Variants in PLXNA2 observed in about 807,000 individuals in gnomAD.
PLXNA2 encodes plexin-A2.
Under a neutral mutation model 193.5 loss-of-function variants are expected in PLXNA2, and 91 were observed. That is an observed-to-expected ratio of 0.47 (90% confidence interval 0.40 to 0.56). The LOEUF (loss-of-function observed/expected upper bound fraction) is 0.56, where lower values mean the gene tolerates loss of function less well. Ranked by LOEUF, PLXNA2 falls within the 20% of genes least tolerant of loss-of-function variation. The pLI is 0.00. For synonymous variants in PLXNA2, 997 were observed against 1,027.3 expected, an observed-to-expected ratio of 0.97 and a Z score of 0.56; for missense variants, 1,995 against 2,503.2, an observed-to-expected ratio of 0.80 and a Z score of 4.33.
intron 4 of PLXNA2, among the ~76,000 whole-genome samples, chr1:208,127,578 C>T (rs1668012083): frequency 2.6e-5 from 4 of 152,176 alleles, no homozygotes; most frequent in African/African-American, 9.7e-5. Flanking sequence ...CATGGCTGGT[C>T]CCAGGGAGAA....
Position 208,060,845 on chromosome 1 carries a change from A to T in PLXNA2, c.2587-8T>A. On this transcript the variant is annotated splice_region_variant and splice_polypyrimidine_tract_variant and intron_variant, in intron 12 of 31. Coordinates refer to ENST00000367033, the MANE Select transcript of PLXNA2 (RefSeq NM_025179.4). ...TCCAGACACCGTCAAAATCTGCAGG[A>T]GGGAAATGGGATTAGCAATTTGGTT... 1 of 1,613,478 alleles carries T rather than the reference A, an allele frequency of 6.2e-7. No homozygotes were observed.
At chr1:208,077,384 C>T (rs1233800002) in intron 12 of PLXNA2, among the ~76,000 whole-genome samples, 4 of 152,204 alleles carry the variant, frequency 2.6e-5, no homozygotes, top group Admixed American at 6.5e-5. Context: ...CGTCAGCCCC[C>T]GGTCAGCGAG....
At chr1:208,213,803 G>A (rs552130201) in intron 2 of PLXNA2, among the ~76,000 whole-genome samples, 100 of 152,310 alleles carry the variant, frequency 6.6e-4, no homozygotes, top group Middle Eastern at 3.4e-3. Context: ...CACCAGAAGG[G>A]TGTGGTGCTG....
At chr1:208,191,431 G>A (rs377657558) in intron 3 of PLXNA2, among the ~76,000 whole-genome samples, 11 of 152,142 alleles carry the variant, frequency 7.2e-5, no homozygotes, top group African/African-American at 1.7e-4. Context: ...TCCTAAAATC[G>A]TGGCGCGTAC....
chr1:208,203,558 G>A (rs1247564386), intron 3 of PLXNA2, among the ~76,000 whole-genome samples: 1 of 152,236 alleles, frequency 6.6e-6, no homozygotes, highest in Non-Finnish European at 1.5e-5. Flanking sequence ...CTGGCACAGA[G>A]AGAAAGGCAT....
rs1007800535 is a variant in PLXNA2, at chr1:208,024,918, A to G, written c.*2325T>C. The stretch of plus-strand genomic sequence containing the variant: ...TCTCCTGGTCACACTCTTCTTACCT[A>G]TATCTCCTTTCCTTTTATCTCCATA... On this transcript the variant is annotated 3_prime_UTR_variant, in exon 32 of 32. Transcript: ENST00000367033. The G allele has an allele frequency of 2.0e-5, 3 of 152,294 alleles. No individual in the cohort carries two copies. The highest frequency in any genetic ancestry group is 4.8e-5 in the African/African-American group (2 of 41,418). The allele number at this position is 152,294 out of a possible 1,614,324, so 9.4% of individuals were successfully genotyped here.
At chr1:208,033,265 G>A in intron 28 of PLXNA2, 54 bp downstream of exon 28, 1 of 1,463,086 alleles carries the variant, frequency 6.8e-7, no homozygotes, top group Non-Finnish European at 9.5e-7. Flanking sequence ...TTGTGGAGGG[G>A]CAGGATGTGC....
At chr1:208,223,626 A>T (rs1298344395) in intron 1 of PLXNA2, among the ~76,000 whole-genome samples, 1 of 152,200 alleles carries the variant, frequency 6.6e-6, no homozygotes, top group East Asian at 1.9e-4. Flanking sequence ...AGGCCCAGGC[A>T]GGCCCAGGCA....
At chr1:208,174,642 A>C (rs73077834) in intron 3 of PLXNA2, among the ~76,000 whole-genome samples, 59 of 152,074 alleles carry the variant, frequency 3.9e-4, no homozygotes, top group African/African-American at 1.4e-3. Flanking sequence ...CATGCCCCCA[A>C]TAGGCTGGTC....
At chr1:208,116,602 T>C (rs1667645661) in intron 4 of PLXNA2, among the ~76,000 whole-genome samples, 1 of 152,172 alleles carries the variant, frequency 6.6e-6, no homozygotes, top group Non-Finnish European at 1.5e-5. Flanking sequence ...GGAAAGGACA[T>C]AGCTGTTAGG....
chr1:208,174,515 C>T (rs1017232338), intron 3 of PLXNA2, among the ~76,000 whole-genome samples: 1 of 151,944 alleles, frequency 6.6e-6, no homozygotes, highest in African/African-American at 2.4e-5. Flanking sequence ...AGGAGGCAGG[C>T]TGGAGGTGTG....
chr1:208,049,627 TG>T (rs1665191633), intron 17 of PLXNA2, among the ~76,000 whole-genome samples: 1 of 152,238 alleles, frequency 6.6e-6, no homozygotes. Context: ...TCTGGATGTT[TG>T]GGATCCACCT....
chr1:208,143,743 A>G (rs1271326676), intron 3 of PLXNA2, among the ~76,000 whole-genome samples: 2 of 151,384 alleles, frequency 1.3e-5, no homozygotes, highest in Admixed American at 6.6e-5. Flanking sequence ...TTTTTTTGCC[A>G]GACATTTTGT....
In PLXNA2 at chr1:208,028,750, GTCCTTAGTCAGTGATGAC is replaced by G; in HGVS notation, c.5438+62_5438+79del. On this transcript the variant is annotated intron_variant, in intron 30 of 31. Coordinates refer to ENST00000367033, the MANE Select transcript of PLXNA2 (RefSeq NM_025179.4). This position sits in a 1 kb window ranked among gnomAD's most constrained non-coding sequence, Gnocchi z 4.2. ...AGAGATGACAGACACCGTCGTCTGA[GTCCTTAGTCAGTGATGAC>G]TATAGAGCGGGGAATGGGCAGGGAG... is the stretch of plus-strand genomic sequence containing the variant. 5 of 1,304,746 alleles carry G rather than the reference GTCCTTAGTCAGTGATGAC, an allele frequency of 3.8e-6. No homozygotes were observed. Among genetic ancestry groups the G allele is most frequent in the Non-Finnish European group, 5.4e-6 (5 of 927,900 alleles). The allele number at this position is 1,304,746 out of a possible 1,614,324, so 80.8% of individuals were successfully genotyped here.
intron 13 of PLXNA2, among the ~76,000 whole-genome samples, chr1:208,059,773 G>A (rs1665558096): frequency 6.6e-6 from 1 of 152,160 alleles, no homozygotes; most frequent in Non-Finnish European, 1.5e-5. Flanking sequence ...ATGAGATAGT[G>A]GATGAGAAAG....
chr1:208,200,684 C>T (rs1449750262), intron 3 of PLXNA2, among the ~76,000 whole-genome samples: 4 of 151,222 alleles, frequency 2.6e-5, no homozygotes, highest in Admixed American at 2.0e-4. Context: ...CTCCGCCTCC[C>T]GGCTTCAAGC....
intron 9 of PLXNA2, among the ~76,000 whole-genome samples, chr1:208,087,029 CAGAG>C (rs1185994711): frequency 5.0e-5 from 7 of 139,870 alleles, no homozygotes; most frequent in Non-Finnish European, 9.5e-5. Flanking sequence ...GACAGACAGA[CAGAG>C]AGACAGAGAG....
chr1:208,081,960 G>T lies in PLXNA2; in HGVS notation c.2395+452C>A, dbSNP rs371080671. Among the ~76,000 whole-genome samples the T allele has an allele frequency of 9.9e-5, 15 of 152,266 alleles. No homozygotes were observed. In the East Asian group the frequency reaches 2.1e-3, roughly 22 times the overall value. ...AATTCTTTGCTCCCGATGTGAGCTG[G>T]ACTCTGCATGCTGCTCTCTCCCGCC... On this transcript the variant is annotated intron_variant, in intron 11 of 31. Transcript: ENST00000367033.
chr1:208,091,566 A>C (rs1666710514), intron 9 of PLXNA2, among the ~76,000 whole-genome samples: 3 of 152,204 alleles, frequency 2.0e-5, no homozygotes, highest in Admixed American at 2.0e-4. Flanking sequence ...CGCAAGAGGA[A>C]GATGTGTATA....
Sources: allele counts gnomAD v4.1 joint callset (sites outside exome capture counted in the v4.1 genomes callset), GRCh38; gene constraint gnomAD v4.1.1; non-coding constraint Gnocchi (gnomAD v3.1); transcripts MANE v1.5; gene names NCBI Gene and HGNC (gene_info 2026-07-23, HGNC 2026-07-21).